Variants in PPARGC1A observed in about 807,000 individuals in gnomAD.
The protein encoded by PPARGC1A is PPARG coactivator 1 alpha, also known as peroxisome proliferator-activated receptor gamma coactivator 1-alpha.
A neutral mutation model predicts 88.7 loss-of-function variants in PPARGC1A; 25 were observed. The ratio of observed to expected loss-of-function variants is 0.28; its 90% CI spans 0.21 to 0.39. The LOEUF (loss-of-function observed/expected upper bound fraction) is 0.39, where lower values mean the gene tolerates loss of function less well. Among genes scored for constraint, PPARGC1A ranks in the 10% least tolerant of loss-of-function variants. The probability of loss-of-function intolerance (pLI) is 1.00; values close to 1 mark genes in which losing one functional copy is unlikely to be tolerated. For missense variants in PPARGC1A, 880 were observed against 968.7 expected, an observed-to-expected ratio of 0.91 and a Z score of 1.22; for synonymous variants, 363 against 355.6, an observed-to-expected ratio of 1.02 and a Z score of -0.24.
At chr4:24,325,225 T>C in the PPARGC1A span, among the ~76,000 whole-genome samples, 1 of 152,194 alleles carries the variant, frequency 6.6e-6, no homozygotes, top group Non-Finnish European at 1.5e-5. Flanking sequence ...AAGGCCATCT[T>C]ATTCTCAATA....
intron 2 of PPARGC1A, among the ~76,000 whole-genome samples, chr4:23,877,362 A>C (rs1196298381): frequency 1.6e-4 from 1 of 6,204 alleles, no homozygotes; most frequent in Non-Finnish European, 4.2e-4. Context: ...TAAAAATACA[A>C]AAAAAAAAAA....
chr4:24,462,547 C>A, the PPARGC1A span, among the ~76,000 whole-genome samples: 13 of 151,940 alleles, frequency 8.6e-5, no homozygotes, highest in Non-Finnish European at 4.4e-5. Flanking sequence ...AGCTGTGTGA[C>A]CTTGGCTACG....
At chr4:24,250,462 A>C in the PPARGC1A span, among the ~76,000 whole-genome samples, 1 of 152,168 alleles carries the variant, frequency 6.6e-6, no homozygotes, top group Non-Finnish European at 1.5e-5. Context: ...CATCCTGAAA[A>C]ACTGAAGGTA....
At chr4:24,253,892 G>A in the PPARGC1A span, among the ~76,000 whole-genome samples, 3 of 152,112 alleles carry the variant, frequency 2.0e-5, no homozygotes, top group Non-Finnish European at 4.4e-5. Context: ...TGGAATCCAC[G>A]CTATGTTAAG....
the PPARGC1A span, among the ~76,000 whole-genome samples, chr4:24,369,290 C>T: frequency 6.6e-6 from 1 of 152,138 alleles, no homozygotes; most frequent in Non-Finnish European, 1.5e-5. Flanking sequence ...AGTCTAACAG[C>T]TTCCCACCTC....
upstream of PPARGC1A, among the ~76,000 whole-genome samples, chr4:23,899,482 C>T (rs977108131): frequency 6.6e-6 from 1 of 152,112 alleles, no homozygotes; most frequent in Non-Finnish European, 1.5e-5. Context: ...AGGAAAAAAG[C>T]AATTTAAATA....
the PPARGC1A span, among the ~76,000 whole-genome samples, chr4:24,129,386 T>C: frequency 4.6e-5 from 7 of 152,212 alleles, no homozygotes. Context: ...TGCCAAAGTC[T>C]ACATGTTGTC....
the PPARGC1A span, among the ~76,000 whole-genome samples, chr4:24,122,016 G>A: frequency 3.3e-5 from 5 of 152,206 alleles, no homozygotes; most frequent in East Asian, 9.7e-4. Context: ...GAAAAGTTGA[G>A]AGAGAAAAGG....
chr4:24,206,379 T>C, the PPARGC1A span, among the ~76,000 whole-genome samples: 1 of 152,114 alleles, frequency 6.6e-6, no homozygotes, highest in East Asian at 1.9e-4. Flanking sequence ...ATCTCACCAA[T>C]GAAAATATGA....
chr4:24,060,678 G>C, the PPARGC1A span, among the ~76,000 whole-genome samples: 1 of 152,180 alleles, frequency 6.6e-6, no homozygotes. Flanking sequence ...ATTGTCAGTT[G>C]ATCACAGTGC....
the PPARGC1A span, among the ~76,000 whole-genome samples, chr4:23,946,095 T>G: frequency 6.6e-6 from 1 of 151,974 alleles, no homozygotes. Flanking sequence ...CCAGACAGAG[T>G]AGGGGCAAAG....
the PPARGC1A span, among the ~76,000 whole-genome samples, chr4:24,271,045 C>T: frequency 6.6e-6 from 1 of 152,216 alleles, no homozygotes; most frequent in Non-Finnish European, 1.5e-5. Context: ...TAATAAAAAT[C>T]GCTGCCTTAT....
At chr4:24,276,603 C>G in the PPARGC1A span, among the ~76,000 whole-genome samples, 12 of 152,220 alleles carry the variant, frequency 7.9e-5, no homozygotes, top group African/African-American at 2.9e-4. Context: ...TCTTTGCCCC[C>G]GAAATTATTA....
the PPARGC1A span, among the ~76,000 whole-genome samples, chr4:24,009,967 G>A: frequency 4.6e-5 from 7 of 152,072 alleles, no homozygotes; most frequent in East Asian, 1.9e-4. Flanking sequence ...GTCACCAGAC[G>A]CCTAGCATGA....
chr4:24,072,271 T>C, the PPARGC1A span, among the ~76,000 whole-genome samples: 2 of 151,364 alleles, frequency 1.3e-5, no homozygotes, highest in African/African-American at 2.4e-5. Flanking sequence ...TTAAATGTTA[T>C]TTAATTAAAG....
chr4:24,435,219 T>A, the PPARGC1A span, among the ~76,000 whole-genome samples: 1 of 152,180 alleles, frequency 6.6e-6, no homozygotes, highest in Admixed American at 6.5e-5. Context: ...TCAGGTAGTA[T>A]TAGAAGGACA....
chr4:23,817,407 C>G (rs1722180821), intron 7 of PPARGC1A, among the ~76,000 whole-genome samples: 1 of 152,110 alleles, frequency 6.6e-6, no homozygotes, highest in Non-Finnish European at 1.5e-5. Context: ...TCGTTGAACA[C>G]CTACTATGTG....
the PPARGC1A span, among the ~76,000 whole-genome samples, chr4:24,317,406 T>C: frequency 1.3e-5 from 2 of 151,368 alleles, no homozygotes; most frequent in Admixed American, 6.6e-5. Flanking sequence ...AGTTCCATGA[T>C]AGACATTTGT....
the PPARGC1A span, among the ~76,000 whole-genome samples, chr4:23,919,818 T>C: frequency 2.2e-4 from 34 of 152,090 alleles, no homozygotes; most frequent in African/African-American, 7.2e-4. Context: ...AACATACAGA[T>C]AGAGAGCAGG....
Sources: allele counts gnomAD v4.1 joint callset (sites outside exome capture counted in the v4.1 genomes callset), GRCh38; gene constraint gnomAD v4.1.1; transcripts MANE v1.5; gene names NCBI Gene and HGNC (gene_info 2026-07-23, HGNC 2026-07-21).